Variants in ARHGAP44 observed in about 807,000 individuals in gnomAD.
ARHGAP44 encodes the protein Rho GTPase activating protein 44, also known as rho GTPase-activating protein 44.
In ARHGAP44, 43 loss-of-function variants were observed where a neutral mutation model predicts 106.8. That is an observed-to-expected ratio of 0.40 (90% CI 0.32 to 0.52). The LOEUF is 0.52. ARHGAP44 is among the 20% of genes least tolerant of loss of function. The pLI is 0.48. For missense variants in ARHGAP44, 866 were observed against 1,050.5 expected (o/e 0.82, Z 2.43); for synonymous variants, 439 against 410.3 (o/e 1.07, Z -0.85).
chr17:12,814,879 C>T (rs937438815), intron 1 of ARHGAP44, among the ~76,000 whole-genome samples: 7 of 152,138 alleles, frequency 4.6e-5, no homozygotes, highest in Non-Finnish European at 8.8e-5. Flanking sequence ...CAAAAACCCT[C>T]CTTTACTTTT....
Position 12,934,829 on chromosome 17 carries a change from A to G in ARHGAP44, c.582+5783A>G, listed in dbSNP as rs370084159. Among the ~76,000 whole-genome samples the G allele has an allele frequency of 6.9e-4, 105 of 152,332 alleles. 2 individuals are homozygous for G. Among genetic ancestry groups the G allele is most frequent in the African/African-American group, 2.4e-3 (99 of 41,578 alleles). ...ATGATGCACCAATACAGGTTTATCA[A>G]TTGTAAACCTGGGCTGGGACCTTCC... On this transcript the variant is annotated intron_variant, in intron 7 of 20. Transcript: ENST00000379672.
intron 1 of ARHGAP44, among the ~76,000 whole-genome samples, chr17:12,891,245 G>A (rs528900338): frequency 2.2e-3 from 340 of 152,242 alleles, no homozygotes; most frequent in Non-Finnish European, 3.3e-3. Context: ...TTCCACAATT[G>A]TAGGTATTTG....
chr17:12,881,503 C>G (rs1160870022), intron 1 of ARHGAP44, among the ~76,000 whole-genome samples: 1 of 152,042 alleles, frequency 6.6e-6, no homozygotes, highest in East Asian at 1.9e-4. Context: ...GAGTTTATTC[C>G]TGAACATACC....
chr17:12,956,073 C>A, intron 14 of ARHGAP44, 93 bp downstream of exon 14: 2 of 835,754 alleles, frequency 2.4e-6, no homozygotes, highest in South Asian at 1.6e-5. Context: ...AGCTGAGCAC[C>A]AGCCTCATGT....
chr17:12,821,269 G>A (rs1291345713), intron 1 of ARHGAP44, among the ~76,000 whole-genome samples: 1 of 152,140 alleles, frequency 6.6e-6, no homozygotes, highest in Non-Finnish European at 1.5e-5. Flanking sequence ...GTCTTCAGGT[G>A]TTTCCATTTA....
At chr17:12,908,505 A>C (rs2037631579) in intron 3 of ARHGAP44, among the ~76,000 whole-genome samples, 1 of 152,166 alleles carries the variant, frequency 6.6e-6, no homozygotes, top group Non-Finnish European at 1.5e-5. Flanking sequence ...ACGCCCAGCC[A>C]CTGCCTCATT....
At chr17:12,988,534 C>G (rs1005393231) in intron 20 of ARHGAP44, 3 of 152,160 alleles carry the variant, frequency 2.0e-5, no homozygotes, top group Admixed American at 6.5e-5. Context: ...TCCTCCAGCC[C>G]CACGCCCCAA....
chr17:12,949,573 A>C lies in ARHGAP44; in HGVS notation c.974-76A>C. The C allele has an allele frequency of 7.2e-7, 1 of 1,391,028 alleles. No homozygotes were observed. The allele number at this position is 1,391,028 out of a possible 1,614,324, so 86.2% of individuals were successfully genotyped here. On this transcript the variant is annotated intron_variant, in intron 11 of 20. Coordinates refer to ENST00000379672, the MANE Select transcript of ARHGAP44 (RefSeq NM_014859.6). This position sits in a 1 kb window ranked among gnomAD's most constrained non-coding sequence, Gnocchi z 4.1. ...AGGCCCATCCCCAGATGGAACCCACATAGGCAGTGCTGGCTGGTGGGTCTT... is the reference window on the plus strand; with the variant it reads ...AGGCCCATCCCCAGATGGAACCCACCTAGGCAGTGCTGGCTGGTGGGTCTT...
At chr17:12,884,240 G>A (rs896395322) in intron 1 of ARHGAP44, among the ~76,000 whole-genome samples, 2 of 151,976 alleles carry the variant, frequency 1.3e-5, no homozygotes, top group African/African-American at 4.8e-5. Flanking sequence ...GTTTATGTAT[G>A]TTTTGTGATA....
chr17:12,895,813 T>C (rs1420800121), intron 2 of ARHGAP44, among the ~76,000 whole-genome samples: 1 of 152,120 alleles, frequency 6.6e-6, no homozygotes, highest in Non-Finnish European at 1.5e-5. Flanking sequence ...GTATGTTTAT[T>C]GTGGCACTAT....
intron 1 of ARHGAP44, among the ~76,000 whole-genome samples, chr17:12,879,778 C>A (rs1182396540): frequency 6.6e-6 from 1 of 151,220 alleles, no homozygotes; most frequent in Non-Finnish European, 1.5e-5. Context: ...GCACTCATCC[C>A]CCATGCAATT....
chr17:12,954,788 C>T (rs573797045), intron 13 of ARHGAP44, among the ~76,000 whole-genome samples: 4 of 152,064 alleles, frequency 2.6e-5, no homozygotes, highest in East Asian at 1.9e-4. Flanking sequence ...TGAATTTGCA[C>T]GTAGCTTCTT....
At chr17:12,895,932 G>A (rs2037188960) in intron 2 of ARHGAP44, among the ~76,000 whole-genome samples, 1 of 152,120 alleles carries the variant, frequency 6.6e-6, no homozygotes, top group Non-Finnish European at 1.5e-5. Flanking sequence ...ATAAGAAAAG[G>A]ATGAGTTCAT....
chr17:12,944,509 CAG>C (rs3076672), intron 10 of ARHGAP44, among the ~76,000 whole-genome samples: 19,600 of 151,004 alleles, frequency 0.13, 2,173 homozygotes, highest in African/African-American at 0.31. Context: ...TCTTTTGAGA[CAG>C]AGTCTTGCTG....
chr17:12,913,623 A>G lies in ARHGAP44; in HGVS notation c.276-2277A>G, dbSNP rs1370741939. 7.8e-5 allele frequency among the ~76,000 whole-genome samples: 11 copies of G among 140,490 alleles called. No individual in the cohort carries two copies. The Admixed American group carries it at 8.1e-4, about 10-fold the overall frequency. The allele number at this position is 140,490 out of a possible 152,430, so 92.2% of individuals were successfully genotyped here. A position where few individuals can be genotyped will look rare whatever the true frequency, so the allele number is the denominator to read the frequency against. On this transcript the variant is annotated intron_variant, in intron 4 of 20. Coordinates refer to ENST00000379672, the MANE Select transcript of ARHGAP44 (RefSeq NM_014859.6). ...TAAATACCAGAAAATCAGATATAAGACACCATTAAGCTGGGTGCAGTGGCT... is the reference window on the plus strand; with the variant it reads ...TAAATACCAGAAAATCAGATATAAGGCACCATTAAGCTGGGTGCAGTGGCT...
In ARHGAP44 at chr17:12,991,103, G is replaced by A. The variant is rs2040125273; in HGVS notation, c.*932G>A. 6.6e-6 allele frequency: 1 copy of A among 152,614 alleles called. No homozygotes were observed. Among genetic ancestry groups the A allele is most frequent in the African/African-American group, 2.4e-5 (1 of 41,430 alleles). The allele number at this position is 152,614 out of a possible 1,614,324, so 9.5% of individuals were successfully genotyped here. A position where few individuals can be genotyped will look rare whatever the true frequency, so the allele number is the denominator to read the frequency against. On this transcript the variant is annotated 3_prime_UTR_variant, in exon 21 of 21. Transcript: ENST00000379672. ...ACCAGCCACGGAGACGCTGGCCCAC[G>A]GGCTCGGCCTGCGGTGTGGCCTGCT...
intron 1 of ARHGAP44, among the ~76,000 whole-genome samples, chr17:12,842,528 A>G (rs1471138558): frequency 1.3e-5 from 2 of 152,162 alleles, no homozygotes; most frequent in African/African-American, 2.4e-5. Flanking sequence ...TGGTTCTCCA[A>G]CTTTCATTTG....
At chr17:12,963,459 C>G (rs2039312368) in intron 16 of ARHGAP44, among the ~76,000 whole-genome samples, 1 of 152,232 alleles carries the variant, frequency 6.6e-6, no homozygotes, top group Non-Finnish European at 1.5e-5. Flanking sequence ...ACTGTCCTGA[C>G]AGCCAGCACA....
At chr17:12,834,592 C>T (rs911320326) in intron 1 of ARHGAP44, among the ~76,000 whole-genome samples, 7 of 152,128 alleles carry the variant, frequency 4.6e-5, no homozygotes, top group African/African-American at 1.7e-4. Context: ...TTATATCTTC[C>T]ACACTGTGTT....
Sources: gnomAD v4.1 joint callset for allele counts (sites outside exome capture counted in the v4.1 genomes callset) on GRCh38, gnomAD v4.1.1 for gene constraint, Gnocchi (gnomAD v3.1) non-coding constraint, MANE v1.5 for transcripts, NCBI Gene and HGNC (gene_info 2026-07-23, HGNC 2026-07-21) for gene names.